Variants in WWOX observed in about 807,000 individuals in gnomAD.
The protein encoded by WWOX is WW domain-containing oxidoreductase.
In WWOX, 69 loss-of-function variants were observed where a neutral mutation model predicts 46.2. The observed-to-expected ratio is 1.49, with a 90% CI of 1.23 to 1.82. The LOEUF (loss-of-function observed/expected upper bound fraction) is 1.82. WWOX is among the 40% of genes most tolerant of loss of function. The probability of loss-of-function intolerance (pLI) is 0.00; values close to 1 mark genes in which losing one functional copy is unlikely to be tolerated. For missense variants in WWOX, 919 were observed against 542.6 expected (o/e 1.69, Z -6.89); for synonymous variants, 359 against 202.6 (o/e 1.77, Z -6.56).
intron 5 of WWOX, among the ~76,000 whole-genome samples, chr16:78,317,462 G>A (rs576378242): frequency 2.3e-4 from 35 of 152,180 alleles, no homozygotes; most frequent in African/African-American, 7.5e-4. Context: ...AGAATGACCC[G>A]TCCCCAAATG....
intron 8 of WWOX, among the ~76,000 whole-genome samples, chr16:79,084,278 A>G (rs545905972): frequency 1.3e-5 from 2 of 152,332 alleles, no homozygotes; most frequent in Non-Finnish European, 2.9e-5. Context: ...GAGCTGTACA[A>G]AGAGAAGTAG....
intron 6 of WWOX, among the ~76,000 whole-genome samples, chr16:78,423,854 AAAAAATT>A (rs2083010867): frequency 6.6e-6 from 1 of 151,630 alleles, no homozygotes; most frequent in Non-Finnish European, 1.5e-5. Context: ...AAAAAAAAAA[AAAAAATT>A]AAATATATAC....
At chr16:78,529,033 A>G (rs1238646858) in intron 8 of WWOX, among the ~76,000 whole-genome samples, 1 of 147,022 alleles carries the variant, frequency 6.8e-6, no homozygotes, top group Non-Finnish European at 1.5e-5. Flanking sequence ...GGCTTACTAT[A>G]GCCTTGACCT....
intron 4 of WWOX, among the ~76,000 whole-genome samples, chr16:78,143,342 C>T (rs992201339): frequency 3.9e-5 from 6 of 152,150 alleles, no homozygotes; most frequent in African/African-American, 1.2e-4. Context: ...AGGTCATCTT[C>T]ACGTCTTTAG....
chr16:78,479,735 C>T (rs1002611197), intron 8 of WWOX, among the ~76,000 whole-genome samples: 10 of 152,168 alleles, frequency 6.6e-5, no homozygotes, highest in African/African-American at 2.4e-4. Context: ...ATAGTGACAG[C>T]CTCTGGCCTG....
intron 8 of WWOX, among the ~76,000 whole-genome samples, chr16:79,037,063 G>T (rs1342081214): frequency 6.6e-6 from 1 of 152,150 alleles, no homozygotes; most frequent in Non-Finnish European, 1.5e-5. Flanking sequence ...AGAATGCAGG[G>T]CTCTTCCTCA....
In WWOX at chr16:78,150,168, T is replaced by A. The variant is rs559405663; in HGVS notation, c.410-14015T>A. On this transcript the variant is annotated intron_variant, in intron 4 of 8. Coordinates refer to ENST00000566780, the MANE Select transcript of WWOX (RefSeq NM_016373.4). ...TCTCCTCAGGCTTGATAATTTGCTA[T>A]AATGGCTCATAAAACTCAGGGAAAT... 4.6e-5 allele frequency among the ~76,000 whole-genome samples: 7 copies of A among 152,290 alleles called. No homozygotes were observed. The East Asian group carries it at 1.4e-3, about 29-fold the overall frequency.
chr16:79,022,344 CAAAAAA>C (rs10654627), intron 8 of WWOX, among the ~76,000 whole-genome samples: 8 of 71,218 alleles, frequency 1.1e-4, no homozygotes, highest in African/African-American at 2.5e-4. Context: ...CAATCTGTGG[CAAAAAA>C]AAAAAAAAAA....
At chr16:78,453,171 C>G (rs1046379974) in intron 8 of WWOX, among the ~76,000 whole-genome samples, 12 of 152,084 alleles carry the variant, frequency 7.9e-5, no homozygotes, top group African/African-American at 2.9e-4. Flanking sequence ...CTTCTGTAAT[C>G]CTAGCACTTT....
chr16:78,444,464 A>T (rs972232339), intron 8 of WWOX, among the ~76,000 whole-genome samples: 8 of 151,902 alleles, frequency 5.3e-5, no homozygotes, highest in Non-Finnish European at 8.8e-5. Flanking sequence ...ACCATCATTT[A>T]TTAAGAGAAT....
At chr16:78,278,749 A>G (rs1176860500) in intron 5 of WWOX, 4 of 1,154,276 alleles carry the variant, frequency 3.5e-6, no homozygotes, top group Admixed American at 2.1e-5. Flanking sequence ...TTTGACTTCT[A>G]TCTCGGTGAT....
intron 8 of WWOX, among the ~76,000 whole-genome samples, chr16:78,559,232 C>G (rs774474559): frequency 1.4e-4 from 21 of 152,278 alleles, no homozygotes; most frequent in Non-Finnish European, 2.4e-4. Context: ...TGTGGTATCT[C>G]ACATAATAAG....
At chr16:78,578,284 A>ATATATATATATATAT (rs1555567122) in intron 8 of WWOX, among the ~76,000 whole-genome samples, 2 of 20,838 alleles carry the variant, frequency 9.6e-5, no homozygotes, top group Non-Finnish European at 8.1e-5. Context: ...ATATATATAT[A>ATATATATATATATAT]TTTTTTTTTT....
intron 8 of WWOX, among the ~76,000 whole-genome samples, chr16:79,037,289 T>C (rs1351536802): frequency 1.6e-4 from 25 of 152,178 alleles, no homozygotes; most frequent in Admixed American, 1.6e-3. Context: ...CTACCCTGCC[T>C]GGAAAGTGCT....
chr16:78,370,322 T>C (rs1184233835), intron 5 of WWOX, among the ~76,000 whole-genome samples: 3 of 152,186 alleles, frequency 2.0e-5, no homozygotes, highest in Middle Eastern at 3.4e-3. Context: ...AATGGGTAAA[T>C]TCATATGTAA....
intron 8 of WWOX, among the ~76,000 whole-genome samples, chr16:78,775,325 C>T (rs951985293): frequency 1.3e-5 from 2 of 152,128 alleles, no homozygotes; most frequent in Non-Finnish European, 2.9e-5. Context: ...TTGAGAATCA[C>T]AGTGTGTCAT....
chr16:79,177,848 C>T (rs180964236), intron 8 of WWOX, among the ~76,000 whole-genome samples: 13 of 152,206 alleles, frequency 8.5e-5, no homozygotes, highest in Non-Finnish European at 1.6e-4. Flanking sequence ...TTTGTTCAGG[C>T]TGCTATAACA....
At chr16:78,529,348 C>T (rs571643985) in intron 8 of WWOX, among the ~76,000 whole-genome samples, 6 of 152,232 alleles carry the variant, frequency 3.9e-5, no homozygotes, top group Admixed American at 3.9e-4. Flanking sequence ...TAGAAGTGAG[C>T]CCTCTTACTG....
chr16:78,227,192 G>A (rs1021772557), intron 5 of WWOX, among the ~76,000 whole-genome samples: 1 of 152,088 alleles, frequency 6.6e-6, no homozygotes, highest in African/African-American at 2.4e-5. Flanking sequence ...TTTATCCCCA[G>A]GTAGACAAAC....
Sources: gnomAD v4.1 joint callset for allele counts (sites outside exome capture counted in the v4.1 genomes callset) on GRCh38, gnomAD v4.1.1 for gene constraint, MANE v1.5 for transcripts, NCBI Gene and HGNC (gene_info 2026-07-23, HGNC 2026-07-21) for gene names.